Variants in ALMS1 observed in about 807,000 individuals in gnomAD.
The protein encoded by ALMS1 is centrosome-associated protein ALMS1.
ALMS1 carries 271 observed loss-of-function variants against 352.2 expected under a neutral mutation model. The ratio of observed to expected loss-of-function variants is 0.77; its 90% confidence interval spans 0.70 to 0.85. The LOEUF is 0.85. ALMS1 is among the 40% of genes least tolerant of loss of function. ALMS1 has a pLI of 0.00. For missense variants in ALMS1, 5,445 were observed against 4,870.7 expected, an observed-to-expected ratio of 1.12 and a Z score of -3.51; for synonymous variants, 1,865 against 1,761.2, an observed-to-expected ratio of 1.06 and a Z score of -1.48.
chr2:73,514,550 C>T (rs1423185595), intron 10 of ALMS1, among the ~76,000 whole-genome samples: 1 of 152,110 alleles, frequency 6.6e-6, no homozygotes, highest in Non-Finnish European at 1.5e-5. Flanking sequence ...ACATTCTTTT[C>T]CATATATATG....
chr2:73,406,436 G>GTT (rs555343293), intron 1 of ALMS1, among the ~76,000 whole-genome samples: 1,991 of 122,008 alleles, frequency 0.016, 68 homozygotes, highest in African/African-American at 0.055. Flanking sequence ...AATCCTATGG[G>GTT]TTTTTTTTTT....
intron 1 of ALMS1, among the ~76,000 whole-genome samples, chr2:73,398,510 G>A (rs964308284): frequency 3.3e-5 from 5 of 152,102 alleles, no homozygotes; most frequent in African/African-American, 7.2e-5. Flanking sequence ...TTGGGATTGC[G>A]TTGATCTTAA....
At chr2:73,429,260 C>T (rs1241333152) in intron 6 of ALMS1, among the ~76,000 whole-genome samples, 1 of 148,722 alleles carries the variant, frequency 6.7e-6, no homozygotes. Flanking sequence ...TTCTTGGTAG[C>T]AGCACATAAT....
rs2104106849 is a variant in ALMS1, at chr2:73,573,064, T to C, written c.11187T>C (p.Tyr3729=). The C allele has an allele frequency of 6.2e-7, 1 of 1,614,090 alleles. No homozygotes were observed. Among genetic ancestry groups the C allele is most frequent in the East Asian group, 2.2e-5 (1 of 44,874 alleles). The change falls in exon 16 of 23, where the codon TAT becomes TAC. Residue 3729 remains tyrosine (Y), a synonymous_variant. Transcript: ENST00000613296. ...TGAGTAAACAGCCAGGTTTTAATTA[T>C]ATAAGCAACACTTCTTCGGATTGTC... ...YILSKQPGFN[Y]ISNTSSDCRP... is the part of the protein sequence containing the mutation.
chr2:73,553,841 TA>T (rs1188458378), intron 13 of ALMS1, among the ~76,000 whole-genome samples: 1 of 152,112 alleles, frequency 6.6e-6, no homozygotes, highest in African/African-American at 2.4e-5. Context: ...TAGTATATAG[TA>T]TAAGAATAAA....
Position 73,453,571 on chromosome 2 carries a change from T to G in ALMS1, c.7044T>G (p.Ile2348Met). Reference protein sequence around the residue: ...TQTNLKCRRGIENWEFISSTT... With the variant: ...TQTNLKCRRGMENWEFISSTT... ...CGAATTTGAAATGCCGGAGAGGCATTGAAAATTGGGAGTTTATTAGTTCAA... is the reference window on the plus strand; with the variant it reads ...CGAATTTGAAATGCCGGAGAGGCATGGAAAATTGGGAGTTTATTAGTTCAA... The change falls in exon 8 of 23, where the codon ATT (isoleucine) becomes ATG (methionine). Residue 2348 changes from isoleucine to methionine, a missense_variant. Coordinates refer to ENST00000613296, the MANE Select transcript of ALMS1 (RefSeq NM_001378454.1). 2 of 1,613,744 alleles carry G rather than the reference T, an allele frequency of 1.2e-6. No homozygotes were observed. Among genetic ancestry groups the G allele is most frequent in the Non-Finnish European group, 1.7e-6 (2 of 1,179,990 alleles).
intron 9 of ALMS1, among the ~76,000 whole-genome samples, chr2:73,478,624 A>AG (rs1558661853): frequency 5.1e-5 from 5 of 97,562 alleles, no homozygotes; most frequent in Non-Finnish European, 1.0e-4. Context: ...TCAGCTAATG[A>AG]CGAATATTTT....
rs1671982386 is a variant in ALMS1 at position 73,453,042 on chromosome 2, T to G, written c.6515T>G (p.Leu2172Arg). The change falls in exon 8 of 23, where the codon CTT becomes CGT. Residue 2172 changes from leucine (L) to arginine (R), a missense_variant. Coordinates refer to ENST00000613296, the MANE Select transcript of ALMS1 (RefSeq NM_001378454.1). The stretch of plus-strand genomic sequence containing the variant: ...GATGCTCTAAAGATCTCAAGTGCTC[T>G]TGGGCAAGCTGATCAAATTACCGGA... The part of the protein sequence containing the change: ...TEDALKISSA[L>R]GQADQITGLQ... 6.2e-7 allele frequency: 1 copy of G among 1,613,700 alleles called. No individual in the cohort carries two copies. The highest frequency in any genetic ancestry group is 1.7e-5 in the Admixed American group (1 of 59,986).
chr2:73,474,437 C>G (rs1672541550), intron 9 of ALMS1, among the ~76,000 whole-genome samples: 1 of 142,898 alleles, frequency 7.0e-6, no homozygotes, highest in African/African-American at 2.7e-5. Flanking sequence ...CGGTGAAGAA[C>G]TACTTATTTC....
At chr2:73,529,690 G>T (rs7566385) in intron 11 of ALMS1, among the ~76,000 whole-genome samples, 58,496 of 152,008 alleles carry the variant, frequency 0.38, 15,823 homozygotes, top group African/African-American at 0.77. Context: ...AGGTACCACC[G>T]TGGAGGTTGT....
rs557050064 is a variant in ALMS1 at position 73,518,198 on chromosome 2, A to G, written c.9540-1577A>G. Among the ~76,000 whole-genome samples the G allele has an allele frequency of 9.2e-5, 14 of 151,550 alleles. No individual in the cohort carries two copies. The South Asian group carries it at 2.3e-3, about 25-fold the overall frequency. On this transcript the variant is annotated intron_variant, in intron 10 of 22. Coordinates refer to ENST00000613296, the MANE Select transcript of ALMS1 (RefSeq NM_001378454.1). ...AGTTCTCATCATTTAGCTCCCACTT[A>G]TAAATGTGAGGATGCAGTATTTGGT...
At chr2:73,475,666 CT>C (rs925411730) in intron 9 of ALMS1, among the ~76,000 whole-genome samples, 1 of 151,926 alleles carries the variant, frequency 6.6e-6, no homozygotes, top group Non-Finnish European at 1.5e-5. Context: ...ATTCTGTAGA[CT>C]TTTTTACTTT....
At chr2:73,556,633 C>CT (rs764932403) in intron 13 of ALMS1, among the ~76,000 whole-genome samples, 10,133 of 101,370 alleles carry the variant, frequency 0.1, 435 homozygotes, top group Middle Eastern at 0.19. Flanking sequence ...CTGATCTTTC[C>CT]TTTTTTTTTT....
chr2:73,395,493 A>T (rs1286111378), intron 1 of ALMS1, among the ~76,000 whole-genome samples: 1 of 152,142 alleles, frequency 6.6e-6, no homozygotes, highest in African/African-American at 2.4e-5. Context: ...AATGTTTTAT[A>T]GTTTTCAGAA....
chr2:73,462,506 C>G (rs1446440009), intron 9 of ALMS1, among the ~76,000 whole-genome samples: 2 of 152,120 alleles, frequency 1.3e-5, no homozygotes, highest in African/African-American at 4.8e-5. Flanking sequence ...AAAAACATGC[C>G]AAAATGTAAA....
chr2:73,597,640 C>T (rs999876267), intron 16 of ALMS1, among the ~76,000 whole-genome samples: 1 of 152,124 alleles, frequency 6.6e-6, no homozygotes, highest in Admixed American at 6.5e-5. Flanking sequence ...TCTAAATCAT[C>T]TGTTATTTCT....
At chr2:73,541,984 T>C (rs1389362929) in intron 12 of ALMS1, among the ~76,000 whole-genome samples, 3 of 152,012 alleles carry the variant, frequency 2.0e-5, no homozygotes, top group African/African-American at 2.4e-5. Flanking sequence ...TTCCAATCAA[T>C]AGAAAAAGAG....
intron 12 of ALMS1, among the ~76,000 whole-genome samples, chr2:73,535,525 T>C (rs1674009934): frequency 6.6e-6 from 1 of 152,286 alleles, no homozygotes; most frequent in Non-Finnish European, 1.5e-5. Context: ...CTGCCAAAAA[T>C]CCAGCTTTTG....
At chr2:73,478,570 A>G (rs1403787820) in intron 9 of ALMS1, among the ~76,000 whole-genome samples, 1 of 152,184 alleles carries the variant, frequency 6.6e-6, no homozygotes, top group Admixed American at 6.5e-5. Flanking sequence ...CAGAATAAAA[A>G]CAACATTTTT....
Sources: gnomAD v4.1 joint callset for allele counts (sites outside exome capture counted in the v4.1 genomes callset) on GRCh38, gnomAD v4.1.1 for gene constraint, MANE v1.5 for transcripts, NCBI Gene and HGNC (gene_info 2026-07-23, HGNC 2026-07-21) for gene names.